UGT2B7: variants seen among roughly 807,000 people sequenced by gnomAD.
UGT2B7 encodes UDP glucuronosyltransferase family 2 member B7, also known as UDP-glucuronosyltransferase 2B7.
A neutral mutation model predicts 51.9 loss-of-function variants in UGT2B7; 51 were observed. The observed-to-expected ratio is 0.98, with a 90% CI of 0.78 to 1.24. The LOEUF (loss-of-function observed/expected upper bound fraction) is 1.24. Ranked by LOEUF, UGT2B7 falls within the 50% of genes most tolerant of loss-of-function variation. UGT2B7 has a pLI of 0.00. For missense variants in UGT2B7, 727 were observed against 628.4 expected, an observed-to-expected ratio of 1.16 and a Z score of -1.68; for synonymous variants, 225 against 211.6, an observed-to-expected ratio of 1.06 and a Z score of -0.55.
intron 5 of UGT2B7, among the ~76,000 whole-genome samples, chr4:69,108,733 T>C (rs1278256384): frequency 6.6e-6 from 1 of 152,120 alleles, no homozygotes; most frequent in East Asian, 1.9e-4. Flanking sequence ...ATCATTATTG[T>C]AACAGACTTG....
At chr4:69,081,318 C>T (rs1433465164) in intron 1 of UGT2B7, among the ~76,000 whole-genome samples, 1 of 151,672 alleles carries the variant, frequency 6.6e-6, no homozygotes, top group East Asian at 1.9e-4. Context: ...CAAGCCACAG[C>T]CCTATAATCT....
chr4:69,069,907 G>T (rs1443012865), intron 1 of UGT2B7: 1 of 152,080 alleles, frequency 6.6e-6, no homozygotes. Context: ...GAGATCTAAG[G>T]CAGGCAGGCA....
chr4:69,063,174 CCGGG>C (rs1400489757), intron 1 of UGT2B7, among the ~76,000 whole-genome samples: 2 of 151,090 alleles, frequency 1.3e-5, no homozygotes, highest in South Asian at 2.1e-4. Context: ...AAAAAATTAG[CCGGG>C]CGTAGTGGCG....
At chr4:69,052,169 C>T (rs1390996493) in intron 1 of UGT2B7, among the ~76,000 whole-genome samples, 1 of 152,098 alleles carries the variant, frequency 6.6e-6, no homozygotes, top group Non-Finnish European at 1.5e-5. Context: ...GAAGCCTGGA[C>T]AGGTCCCTTG....
At chr4:69,087,107 TCTCA>T (rs1718979661) in intron 1 of UGT2B7, among the ~76,000 whole-genome samples, 1 of 151,698 alleles carries the variant, frequency 6.6e-6, no homozygotes, top group Non-Finnish European at 1.5e-5. Flanking sequence ...TTCCTTTCTC[TCTCA>T]CTCTGTCTCT....
At chr4:69,064,885 G>A (rs779704558) in intron 1 of UGT2B7, among the ~76,000 whole-genome samples, 3 of 152,074 alleles carry the variant, frequency 2.0e-5, no homozygotes, top group Admixed American at 6.5e-5. Flanking sequence ...TGCCGTTAAC[G>A]TTGTGATTAG....
At position 69,096,941 on chromosome 4, in the gene UGT2B7, CAA is replaced by C. The variant is rs1415545692; in HGVS notation, c.422_423del (p.Gln141ArgfsTer5). On this transcript the variant is annotated frameshift_variant, in exon 1 of 6. Coordinates refer to ENST00000305231, the MANE Select transcript of UGT2B7 (RefSeq NM_001074.4). LOFTEE classifies it high-confidence loss of function. Reference protein sequence around the residue: ...VSNKKFMKKVQESRFDVIFAD... With the variant: ...VSNKKFMKKVXESRFDVIFAD... ...AAATAAGAAATTTATGAAAAAAGTA[CAA>C]GAGTCAAGATTTGACGTCATTTTTG... 1.2e-6 allele frequency: 2 copies of C among 1,612,634 alleles called. No individual in the cohort carries two copies. The highest frequency in any genetic ancestry group is 2.7e-5 in the African/African-American group (2 of 74,752).
chr4:69,095,342 A>G (rs931389963), upstream of UGT2B7, among the ~76,000 whole-genome samples: 1 of 152,186 alleles, frequency 6.6e-6, no homozygotes, highest in African/African-American at 2.4e-5. Context: ...TCAGAACAAG[A>G]AACTACATTA....
chr4:69,099,150 A>G (rs1719344058), intron 2 of UGT2B7, among the ~76,000 whole-genome samples: 1 of 151,812 alleles, frequency 6.6e-6, no homozygotes, highest in Non-Finnish European at 1.5e-5. Context: ...CGCAATACCA[A>G]GAAAGCATCA....
At chr4:69,058,299 T>A (rs1166878747) in intron 1 of UGT2B7, among the ~76,000 whole-genome samples, 1 of 152,144 alleles carries the variant, frequency 6.6e-6, no homozygotes, top group Non-Finnish European at 1.5e-5. Context: ...CTCAAAGGGA[T>A]ACATGCCCCA....
chr4:69,102,680 A>G, intron 2 of UGT2B7, 127 bp from the exon 3 acceptor site: 1 of 1,423,418 alleles, frequency 7.0e-7, no homozygotes, highest in Non-Finnish European at 9.4e-7. Flanking sequence ...TCAGTTAAAA[A>G]ATATTATTTA....
intron 1 of UGT2B7, among the ~76,000 whole-genome samples, chr4:69,079,090 C>G (rs1353012268): frequency 6.6e-6 from 1 of 152,154 alleles, no homozygotes; most frequent in African/African-American, 2.4e-5. Flanking sequence ...AGCCCTCCAG[C>G]TGAGTTCACA....
chr4:69,092,609 AC>A (rs150919624), upstream of UGT2B7, among the ~76,000 whole-genome samples: 1,361 of 152,176 alleles, frequency 8.9e-3, 13 homozygotes, highest in East Asian at 0.05. Flanking sequence ...AAAATATAAA[AC>A]ATAAAATATG....
chr4:69,107,278 A>G lies in UGT2B7; in HGVS notation c.1090+16A>G, dbSNP rs756429457. 16 of 1,589,476 alleles carry G rather than the reference A, an allele frequency of 1.0e-5. No individual in the cohort carries two copies. Among genetic ancestry groups the G allele is most frequent in the Admixed American group, 3.5e-5 (2 of 57,684 alleles). ...GACCTTCTAGGTAAGACTCTGGTGA[A>G]CAAATACTGAATATATTAGTAACAG... is the stretch of plus-strand genomic sequence containing the variant. On this transcript the variant is annotated intron_variant, in intron 4 of 5. Coordinates refer to ENST00000305231, the MANE Select transcript of UGT2B7 (RefSeq NM_001074.4).
chr4:69,054,905 A>T lies in UGT2B7; in HGVS notation c.-159+3303A>T, dbSNP rs192025487. ...TCAAGTCACTGAGGTAGGAAAAAAG[A>T]TTGCTACAGTCCTATTATTTTATAG... is the stretch of plus-strand genomic sequence containing the variant. On this transcript the variant is annotated intron_variant, in intron 1 of 5. Transcript: ENST00000502942. Among the ~76,000 whole-genome samples, 17 of 152,102 alleles carry T rather than the reference A, an allele frequency of 1.1e-4. No homozygotes were observed. The East Asian group carries it at 3.3e-3, about 29-fold the overall frequency.
At chr4:69,085,543 C>T (rs1718934797) in intron 1 of UGT2B7, among the ~76,000 whole-genome samples, 1 of 152,098 alleles carries the variant, frequency 6.6e-6, no homozygotes, top group African/African-American at 2.4e-5. Context: ...TTGTCTATGC[C>T]TATGTCCTGA....
In UGT2B7 at chr4:69,112,451, T is replaced by C. The variant is rs752717766; in HGVS notation, c.1311-6T>C. 1.2e-6 allele frequency: 2 copies of C among 1,610,714 alleles called. No homozygotes were observed. The highest frequency in any genetic ancestry group is 1.7e-6 in the Non-Finnish European group (2 of 1,178,648). ...CTACATTACTGTCTTTATTTTTATC[T>C]TTCAGATATAAAGAGAATGTTATGA... On this transcript the variant is annotated splice_region_variant and splice_polypyrimidine_tract_variant and intron_variant, in intron 5 of 5. Coordinates refer to ENST00000305231, the MANE Select transcript of UGT2B7 (RefSeq NM_001074.4).
At chr4:69,095,770 A>C (rs1719206529), upstream of UGT2B7, among the ~76,000 whole-genome samples, 1 of 152,226 alleles carries the variant, frequency 6.6e-6, no homozygotes, top group Admixed American at 6.5e-5. Context: ...GATGGTTGTA[A>C]GAATCAACAT....
chr4:69,095,772 A>AT (rs1719206672), upstream of UGT2B7, among the ~76,000 whole-genome samples: 1 of 152,240 alleles, frequency 6.6e-6, no homozygotes, highest in Non-Finnish European at 1.5e-5. Flanking sequence ...TGGTTGTAAG[A>AT]ATCAACATGT....
Sources: gnomAD v4.1 joint callset for allele counts (sites outside exome capture counted in the v4.1 genomes callset) on GRCh38, gnomAD v4.1.1 for gene constraint, MANE v1.5 for transcripts, NCBI Gene and HGNC (gene_info 2026-07-23, HGNC 2026-07-21) for gene names.